EIF2A: variants seen among roughly 807,000 people sequenced by gnomAD.
EIF2A encodes eukaryotic translation initiation factor 2A, also known as 65 kDa eukaryotic translation initiation factor 2A.
A neutral mutation model predicts 75.2 loss-of-function variants in EIF2A; 62 were observed. That is an observed-to-expected ratio of 0.82 (90% CI 0.67 to 1.02). EIF2A has a LOEUF of 1.02. EIF2A is among the 50% of genes least tolerant of loss of function. The probability of loss-of-function intolerance (pLI) is 0.00; values close to 1 mark genes in which losing one functional copy is unlikely to be tolerated. For missense variants in EIF2A, 611 were observed against 677.7 expected, an observed-to-expected ratio of 0.90 and a Z score of 1.09; for synonymous variants, 207 against 239.0, an observed-to-expected ratio of 0.87 and a Z score of 1.23.
Position 150,558,366 on chromosome 3 carries a change from C to CTTT in EIF2A, c.99-14_99-12dup, listed in dbSNP as rs11379788. The CTTT allele has an allele frequency of 6.1e-5, 81 of 1,336,100 alleles. No homozygotes were observed. The African/African-American group carries it at 7.3e-4, about 12-fold the overall frequency. The allele number at this position is 1,336,100 out of a possible 1,614,324, so 82.8% of individuals were successfully genotyped here. On this transcript the variant is annotated intron_variant, in intron 2 of 13. Transcript: ENST00000460851. Reference sequence around the variant, plus strand: ...AGTATTAATGCTTATTCATTTAAACCTTTTTTTTTTGTCATTTTCAGGGAA... The same window carrying CTTT: ...AGTATTAATGCTTATTCATTTAAACCTTTTTTTTTTTTTGTCATTTTCAGGGAA...
chr3:150,576,210 G>A (rs1724856825), intron 11 of EIF2A, among the ~76,000 whole-genome samples: 1 of 152,182 alleles, frequency 6.6e-6, no homozygotes, highest in South Asian at 2.1e-4. Flanking sequence ...GGAGGCCAAC[G>A]TGGGAGAATT....
chr3:150,565,284 C>T (rs1011031794), intron 6 of EIF2A: 15 of 451,682 alleles, frequency 3.3e-5, no homozygotes, highest in Non-Finnish European at 4.9e-5. Flanking sequence ...TCAAGAAGCA[C>T]ATAATGTCTG....
In EIF2A at chr3:150,583,631, T is replaced by C. The variant is rs1013059660; in HGVS notation, c.1693-215T>C. Among the ~76,000 whole-genome samples, 29 of 152,170 alleles carry C rather than the reference T, an allele frequency of 1.9e-4. 1 individual carries two copies. The highest frequency in any genetic ancestry group is 4.4e-5 in the Non-Finnish European group (3 of 68,028). On this transcript the variant is annotated intron_variant, in intron 13 of 13. Coordinates refer to ENST00000460851, the MANE Select transcript of EIF2A (RefSeq NM_032025.5). ...AGCCCGAATATAGAATTGAAAATTT[T>C]TGGGGCCCAAAGGGATGCAGTAAGA... is the stretch of plus-strand genomic sequence containing the variant.
intron 9 of EIF2A, among the ~76,000 whole-genome samples, chr3:150,571,182 G>A (rs1724493398): frequency 6.6e-6 from 1 of 151,454 alleles, no homozygotes; most frequent in Non-Finnish European, 1.5e-5. Context: ...CTTTGTCACC[G>A]AGGCTGGAGT....
In EIF2A at chr3:150,572,341, A is replaced by G. The variant is rs1468427345; in HGVS notation, c.1195A>G (p.Lys399Glu). 1.2e-6 allele frequency: 2 copies of G among 1,613,914 alleles called. No individual in the cohort carries two copies. The highest frequency in any genetic ancestry group is 2.7e-5 in the African/African-American group (2 of 74,934). ...GCATTATACTGGCTCTATCTTGCAC[A>G]AGTATGATGTGCCATCAAATGCAGA... ...IWHYTGSILH[K>E]YDVPSNAELW... The change falls in exon 10 of 14, where the codon AAG (lysine) becomes GAG (glutamate). Residue 399 changes from lysine to glutamate, a missense_variant. By Grantham distance (56) the Lys-to-Glu change is moderately conservative. Transcript: ENST00000460851.
chr3:150,551,485 C>T (rs1723312244), intron 1 of EIF2A, among the ~76,000 whole-genome samples: 1 of 151,892 alleles, frequency 6.6e-6, no homozygotes, highest in East Asian at 1.9e-4. Context: ...GTAATCTCAG[C>T]ACTTTGTGAG....
At chr3:150,547,871 G>A (rs149025564) in intron 1 of EIF2A, among the ~76,000 whole-genome samples, 1,926 of 152,254 alleles carry the variant, frequency 0.013, 25 homozygotes, top group Middle Eastern at 0.024. Flanking sequence ...GGCAAAGACT[G>A]TTTAAAAGGC....
chr3:150,561,126 A>T (rs531740083), intron 3 of EIF2A, among the ~76,000 whole-genome samples: 62 of 151,488 alleles, frequency 4.1e-4, no homozygotes, highest in East Asian at 3.3e-3. Flanking sequence ...CTATTTATTT[A>T]AAAAAAATTT....
chr3:150,550,375 CTATT>C (rs1481620914), intron 1 of EIF2A, among the ~76,000 whole-genome samples: 2 of 152,048 alleles, frequency 1.3e-5, no homozygotes, highest in Admixed American at 1.3e-4. Context: ...TTTTTAGTCC[CTATT>C]TATTTTTGCT....
At chr3:150,578,592 A>G (rs1725004510) in intron 11 of EIF2A, among the ~76,000 whole-genome samples, 1 of 152,146 alleles carries the variant, frequency 6.6e-6, no homozygotes, top group Non-Finnish European at 1.5e-5. Flanking sequence ...ACAGTCATCA[A>G]GCACCTACAC....
intron 8 of EIF2A, 42 bp downstream of exon 8, chr3:150,568,088 G>A (rs1384500230): frequency 3.1e-6 from 5 of 1,599,198 alleles, no homozygotes; most frequent in Non-Finnish European, 2.6e-6. Context: ...TTTATCAGTT[G>A]TTAATTTAGG....
At chr3:150,580,128 G>T (rs1257819454) in intron 11 of EIF2A, among the ~76,000 whole-genome samples, 1 of 152,118 alleles carries the variant, frequency 6.6e-6, no homozygotes, top group African/African-American at 2.4e-5. Context: ...AAAAATACTG[G>T]GCATTATGAG....
intron 6 of EIF2A, chr3:150,567,038 A>G (rs143950876): frequency 2.0e-5 from 3 of 152,188 alleles, no homozygotes; most frequent in Non-Finnish European, 4.4e-5. Context: ...CCTCTTTGTG[A>G]GCATGTCAAA....
At chr3:150,549,212 TTC>T (rs1260173059) in intron 1 of EIF2A, among the ~76,000 whole-genome samples, 22 of 114,776 alleles carry the variant, frequency 1.9e-4, no homozygotes, top group African/African-American at 7.0e-4. Context: ...TTTTCTTTCT[TTC>T]TTTCTTTCTT....
chr3:150,549,477 C>T (rs1723212720), intron 1 of EIF2A, among the ~76,000 whole-genome samples: 1 of 152,134 alleles, frequency 6.6e-6, no homozygotes. Flanking sequence ...CTCTGCCTCC[C>T]AAAGTGCTGG....
intron 9 of EIF2A, 123 bp from the exon 10 acceptor site, chr3:150,571,835 A>T: frequency 2.4e-6 from 2 of 825,686 alleles, no homozygotes; most frequent in Non-Finnish European, 3.7e-6. Flanking sequence ...TTTTAATGTT[A>T]ACATTCCTTG....
At chr3:150,557,710 A>T (rs1576590524) in intron 2 of EIF2A, 3 of 362,678 alleles carry the variant, frequency 8.3e-6, no homozygotes, top group Non-Finnish European at 1.7e-5. Flanking sequence ...AAGAGATTTT[A>T]AAAATGTTTT....
At chr3:150,547,069 T>A in intron 1 of EIF2A, 2 of 576,428 alleles carry the variant, frequency 3.5e-6, no homozygotes, top group Non-Finnish European at 6.2e-6. Flanking sequence ...TGCGGATTCA[T>A]CTTCTACAGA....
chr3:150,564,588 A>G (rs1724070139), intron 6 of EIF2A: 1 of 380,540 alleles, frequency 2.6e-6, no homozygotes, highest in African/African-American at 2.1e-5. Context: ...ACTTTTTATT[A>G]TCTGGTAATT....
Sources: gnomAD v4.1 joint callset for allele counts (sites outside exome capture counted in the v4.1 genomes callset) on GRCh38, gnomAD v4.1.1 for gene constraint, MANE v1.5 for transcripts, NCBI Gene and HGNC (gene_info 2026-07-23, HGNC 2026-07-21) for gene names.